The following ST6GALNAC3 variants were observed in gnomAD, a reference collection of about 807,000 sequenced individuals.
The protein encoded by ST6GALNAC3 is alpha-N-acetylgalactosaminide alpha-2,6-sialyltransferase 3.
Under a neutral mutation model 32.7 loss-of-function variants are expected in ST6GALNAC3, and 25 were observed. The observed-to-expected ratio is 0.76, with a 90% CI of 0.56 to 1.07. The LOEUF (loss-of-function observed/expected upper bound fraction) is 1.07. ST6GALNAC3 is among the 50% of genes least tolerant of loss of function. The pLI is 0.00. For missense variants in ST6GALNAC3, 355 were observed against 382.4 expected (o/e 0.93, Z 0.60); for synonymous variants, 129 against 133.1 (o/e 0.97, Z 0.21).
At chr1:76,417,206 GT>G (rs1188575817) in intron 3 of ST6GALNAC3, among the ~76,000 whole-genome samples, 3 of 140,548 alleles carry the variant, frequency 2.1e-5, no homozygotes, top group African/African-American at 5.2e-5. Flanking sequence ...GGGCCCAGTT[GT>G]TTTTTTTTTC....
In ST6GALNAC3 at chr1:76,191,680, A is replaced by C. The variant is rs1424531816; in HGVS notation, c.18+116796A>C. Among the ~76,000 whole-genome samples, 4 of 151,702 alleles carry C rather than the reference A, an allele frequency of 2.6e-5. No homozygotes were observed. The South Asian group carries it at 8.3e-4, about 31-fold the overall frequency. Reference sequence around the variant, plus strand: ...ACAATGTGTCAACTAAAAAATAAGAAAAGAAGTTGAAGAGAAAGAAGAGGT... The same window carrying C: ...ACAATGTGTCAACTAAAAAATAAGACAAGAAGTTGAAGAGAAAGAAGAGGT... On this transcript the variant is annotated intron_variant, in intron 1 of 4. Coordinates refer to ENST00000328299, the MANE Select transcript of ST6GALNAC3 (RefSeq NM_152996.4).
chr1:76,445,504 G>A (rs1336380265), intron 3 of ST6GALNAC3, among the ~76,000 whole-genome samples: 1 of 152,188 alleles, frequency 6.6e-6, no homozygotes, highest in African/African-American at 2.4e-5. Flanking sequence ...TTTGAGAGCA[G>A]GGACCATGTA....
chr1:76,164,706 T>G (rs1437740757), intron 1 of ST6GALNAC3, among the ~76,000 whole-genome samples: 2 of 152,076 alleles, frequency 1.3e-5, no homozygotes, highest in Non-Finnish European at 2.9e-5. Context: ...AATAATAGGG[T>G]GTTGCAAACA....
chr1:76,117,323 A>G (rs1648546087), intron 1 of ST6GALNAC3, among the ~76,000 whole-genome samples: 1 of 152,242 alleles, frequency 6.6e-6, no homozygotes, highest in African/African-American at 2.4e-5. Flanking sequence ...CCAAGAATGT[A>G]AATGTGATGA....
At chr1:76,398,265 G>A (rs1337723316) in intron 2 of ST6GALNAC3, among the ~76,000 whole-genome samples, 2 of 152,218 alleles carry the variant, frequency 1.3e-5, no homozygotes, top group African/African-American at 2.4e-5. Context: ...TATTTAATAT[G>A]CATTGACAAT....
At chr1:76,082,158 C>T (rs572167589) in intron 1 of ST6GALNAC3, among the ~76,000 whole-genome samples, 26 of 152,206 alleles carry the variant, frequency 1.7e-4, no homozygotes, top group Admixed American at 4.6e-4. Flanking sequence ...GAATTTAACA[C>T]ACACTTATGC....
chr1:76,422,569 A>G (rs901602025), intron 3 of ST6GALNAC3, among the ~76,000 whole-genome samples: 1 of 152,022 alleles, frequency 6.6e-6, no homozygotes, highest in Non-Finnish European at 1.5e-5. Flanking sequence ...GTGAGCTTGC[A>G]TCAGAATTAC....
chr1:76,623,023 AACACTGAG>A (rs1167950666), intron 3 of ST6GALNAC3, among the ~76,000 whole-genome samples: 24 of 152,080 alleles, frequency 1.6e-4, no homozygotes, highest in African/African-American at 5.8e-4. Context: ...GACAGCCAAA[AACACTGAG>A]ACTGGTAAAC....
chr1:76,612,064 T>A (rs1647972363), intron 3 of ST6GALNAC3, among the ~76,000 whole-genome samples: 1 of 152,164 alleles, frequency 6.6e-6, no homozygotes, highest in Non-Finnish European at 1.5e-5. Flanking sequence ...GGAAAACATA[T>A]TTTTCTCCAT....
At position 76,129,448 on chromosome 1, in the gene ST6GALNAC3, C is replaced by T. The variant is rs79478536; in HGVS notation, c.18+54564C>T. On this transcript the variant is annotated intron_variant, in intron 1 of 4. Transcript: ENST00000328299. ...GATTCTCCAGTGTGGATTTCAGTGC[C>T]GTTTCCCTTTGTCTGGAGTGCAGTG... Among the ~76,000 whole-genome samples the T allele has an allele frequency of 7.6e-3, 1,150 of 152,272 alleles. 13 individuals carry two copies. Among genetic ancestry groups the T allele is most frequent in the African/African-American group, 0.027 (1,108 of 41,544 alleles).
intron 3 of ST6GALNAC3, among the ~76,000 whole-genome samples, chr1:76,502,465 T>C (rs1356305588): frequency 6.6e-6 from 1 of 152,184 alleles, no homozygotes; most frequent in Non-Finnish European, 1.5e-5. Flanking sequence ...GAGTTGGTTC[T>C]TTCTGAGGGC....
At chr1:76,622,914 G>T (rs947615730) in intron 3 of ST6GALNAC3, among the ~76,000 whole-genome samples, 33 of 151,884 alleles carry the variant, frequency 2.2e-4, no homozygotes, top group African/African-American at 8.0e-4. Context: ...GCTCCAGCTT[G>T]CCAGATAATG....
chr1:76,293,919 A>T (rs1158773425), intron 1 of ST6GALNAC3, among the ~76,000 whole-genome samples: 1 of 152,138 alleles, frequency 6.6e-6, no homozygotes, highest in Non-Finnish European at 1.5e-5. Context: ...ATAATTAAAG[A>T]GTGGAAGAAA....
chr1:76,390,523 G>A (rs1652451757), intron 2 of ST6GALNAC3, among the ~76,000 whole-genome samples: 1 of 152,102 alleles, frequency 6.6e-6, no homozygotes, highest in South Asian at 2.1e-4. Flanking sequence ...CAGCCTTTTA[G>A]CCAGTGCAGC....
chr1:76,437,227 G>T (rs73006144), intron 3 of ST6GALNAC3, among the ~76,000 whole-genome samples: 8,300 of 152,150 alleles, frequency 0.055, 728 homozygotes, highest in African/African-American at 0.19. Context: ...GTCTGAACGA[G>T]AAAGCAAAGC....
At chr1:76,363,048 C>T (rs1570969318) in intron 2 of ST6GALNAC3, among the ~76,000 whole-genome samples, 1 of 152,222 alleles carries the variant, frequency 6.6e-6, no homozygotes, top group Non-Finnish European at 1.5e-5. Flanking sequence ...GGGATCTGCT[C>T]CTGCAACAGG....
chr1:76,372,868 G>T (rs1650935642), intron 2 of ST6GALNAC3, among the ~76,000 whole-genome samples: 1 of 152,174 alleles, frequency 6.6e-6, no homozygotes, highest in South Asian at 2.1e-4. Context: ...AAGTCAGTTT[G>T]CAGTGACTTC....
At chr1:76,174,824 A>G (rs1437439743) in intron 1 of ST6GALNAC3, among the ~76,000 whole-genome samples, 1 of 151,542 alleles carries the variant, frequency 6.6e-6, no homozygotes, top group Non-Finnish European at 1.5e-5. Context: ...CCGCCACCAT[A>G]CCTGGCTAAT....
chr1:76,341,661 CTTTCTTTCTTTCTTTCT>C lies in ST6GALNAC3; in HGVS notation c.213+27665_213+27681del, dbSNP rs1557803826. Among the ~76,000 whole-genome samples, 12 of 144,734 alleles carry C rather than the reference CTTTCTTTCTTTCTTTCT, an allele frequency of 8.3e-5. No homozygotes were observed. In the South Asian group the frequency reaches 9.0e-4, roughly 11 times the overall value. 95.0% of individuals were successfully genotyped at this position (144,734 alleles called of 152,430 possible). ...TCTTTCTTTCTTTCTTTCTTTCTTT[CTTTCTTTCTTTCTTTCT>C]TTCCTTCTTTCTTTCTTTCTTTCTT... On this transcript the variant is annotated intron_variant, in intron 2 of 4. Transcript: ENST00000328299.
Sources: allele counts gnomAD v4.1 joint callset (sites outside exome capture counted in the v4.1 genomes callset), GRCh38; gene constraint gnomAD v4.1.1; transcripts MANE v1.5; gene names NCBI Gene and HGNC (gene_info 2026-07-23, HGNC 2026-07-21).